Variants in VPS13B observed in about 807,000 individuals in gnomAD.
VPS13B encodes the protein intermembrane lipid transfer protein VPS13B.
Under a neutral mutation model 426.4 loss-of-function variants are expected in VPS13B, and 285 were observed. The ratio of observed to expected loss-of-function variants is 0.67; its 90% CI spans 0.61 to 0.74. The LOEUF (loss-of-function observed/expected upper bound fraction) is 0.74. Ranked by LOEUF, VPS13B falls within the 30% of genes least tolerant of loss-of-function variation. The pLI is 0.00. For missense variants in VPS13B, 4,537 were observed against 4,782.6 expected (o/e 0.95, Z 1.51); for synonymous variants, 1,676 against 1,676.4 (o/e 1.00, Z 0.01).
At chr8:99,014,279 G>A (rs1032619453) in intron 2 of VPS13B, among the ~76,000 whole-genome samples, 2 of 151,372 alleles carry the variant, frequency 1.3e-5, no homozygotes, top group Non-Finnish European at 3.0e-5. Flanking sequence ...CACCACGCCT[G>A]GCTAATTTTT....
chr8:99,115,930 A>G, intron 7 of VPS13B, 56 bp downstream of exon 7: 1 of 1,563,644 alleles, frequency 6.4e-7, no homozygotes, highest in South Asian at 1.2e-5. Context: ...CTTACGTTTT[A>G]CCATTGGGAA....
intron 22 of VPS13B, among the ~76,000 whole-genome samples, chr8:99,432,414 G>T (rs943134683): frequency 6.6e-6 from 1 of 152,010 alleles, no homozygotes; most frequent in Non-Finnish European, 1.5e-5. Flanking sequence ...TTTGTGATCT[G>T]CAAAATTACA....
chr8:99,782,915 AT>A (rs1812087050), intron 42 of VPS13B, among the ~76,000 whole-genome samples: 1 of 152,148 alleles, frequency 6.6e-6, no homozygotes, highest in African/African-American at 2.4e-5. Context: ...TCTTTTGGCG[AT>A]TAGTGTGACT....
intron 35 of VPS13B, among the ~76,000 whole-genome samples, chr8:99,679,343 T>G (rs532295754): frequency 2.0e-5 from 3 of 152,216 alleles, no homozygotes; most frequent in Non-Finnish European, 2.9e-5. Context: ...AATATAGTTA[T>G]CCCTTATGGT....
intron 19 of VPS13B, among the ~76,000 whole-genome samples, chr8:99,301,446 A>C (rs1480035450): frequency 6.6e-6 from 1 of 151,890 alleles, no homozygotes; most frequent in East Asian, 1.9e-4. Flanking sequence ...GGCATGCACC[A>C]CCACTCCCAG....
At chr8:99,227,232 A>G (rs537198922) in intron 17 of VPS13B, among the ~76,000 whole-genome samples, 3 of 152,192 alleles carry the variant, frequency 2.0e-5, no homozygotes, top group South Asian at 4.1e-4. Flanking sequence ...TAATCTCTGT[A>G]CAAGGCACTG....
At chr8:99,746,855 C>T (rs1810113792) in intron 39 of VPS13B, among the ~76,000 whole-genome samples, 1 of 152,090 alleles carries the variant, frequency 6.6e-6, no homozygotes, top group Non-Finnish European at 1.5e-5. Context: ...TAGTACTTCC[C>T]TTGCCCCAAT....
chr8:99,231,729 A>G (rs1193151395), intron 17 of VPS13B, among the ~76,000 whole-genome samples: 2 of 152,214 alleles, frequency 1.3e-5, no homozygotes, highest in Non-Finnish European at 2.9e-5. Context: ...TGCTGAGGCA[A>G]AAAACACCTG....
chr8:99,604,387 T>C (rs1329799667), intron 33 of VPS13B, among the ~76,000 whole-genome samples: 1 of 152,130 alleles, frequency 6.6e-6, no homozygotes, highest in Non-Finnish European at 1.5e-5. Context: ...AAAGACACTT[T>C]ACTAACATCC....
chr8:99,531,319 A>C (rs143136053), intron 30 of VPS13B, among the ~76,000 whole-genome samples: 3 of 152,274 alleles, frequency 2.0e-5, no homozygotes, highest in Non-Finnish European at 4.4e-5. Flanking sequence ...GGTTTTTCTC[A>C]CATCTCTTAT....
chr8:99,837,262 C>T (rs1478412151), intron 54 of VPS13B, among the ~76,000 whole-genome samples: 1 of 152,116 alleles, frequency 6.6e-6, no homozygotes, highest in Non-Finnish European at 1.5e-5. Context: ...CCCTGGAGAC[C>T]TGCGTTTGTA....
intron 19 of VPS13B, among the ~76,000 whole-genome samples, chr8:99,311,342 T>A (rs189343847): frequency 6.6e-6 from 1 of 152,348 alleles, no homozygotes; most frequent in Admixed American, 6.5e-5. Flanking sequence ...CTGCTTCAGA[T>A]GTGTCCCAGA....
At chr8:99,644,897 C>T (rs895345027) in intron 34 of VPS13B, among the ~76,000 whole-genome samples, 8 of 152,146 alleles carry the variant, frequency 5.3e-5, no homozygotes, top group African/African-American at 7.2e-5. Flanking sequence ...ACTGCTTTAA[C>T]GCATTATCTC....
At position 99,870,914 on chromosome 8, in the gene VPS13B, C is replaced by T. The variant is rs1189313766; in HGVS notation, c.11495+27C>T. 4 of 1,602,172 alleles carry T rather than the reference C, an allele frequency of 2.5e-6. No homozygotes were observed. In the Middle Eastern group the frequency reaches 6.6e-4, roughly 265 times the overall value. ...TAAAATTATTGAGATACGTGCTCAA[C>T]TTTACATCCATATTGTATGTTAATA... On this transcript the variant is annotated intron_variant, in intron 60 of 61. Coordinates refer to ENST00000357162, the MANE Select transcript of VPS13B (RefSeq NM_152564.5).
chr8:99,473,440 G>A (rs902491405), intron 24 of VPS13B, among the ~76,000 whole-genome samples: 1 of 152,010 alleles, frequency 6.6e-6, no homozygotes, highest in African/African-American at 2.4e-5. Flanking sequence ...ATAAATTCAA[G>A]TGAGACATTT....
chr8:99,431,890 G>A (rs1817132728), intron 22 of VPS13B, among the ~76,000 whole-genome samples: 2 of 151,836 alleles, frequency 1.3e-5, no homozygotes, highest in Non-Finnish European at 2.9e-5. Flanking sequence ...ATTTTGACAT[G>A]TTTCTTGACT....
intron 44 of VPS13B, among the ~76,000 whole-genome samples, chr8:99,816,903 A>G (rs980721966): frequency 6.6e-6 from 1 of 152,206 alleles, no homozygotes; most frequent in Admixed American, 6.5e-5. Context: ...CTTACTAGAT[A>G]AGAGTGAAAT....
rs553962391 is a variant in VPS13B, at chr8:99,057,187, AT to A, written c.291+18632del. Among the ~76,000 whole-genome samples the A allele has an allele frequency of 6.3e-3, 917 of 145,136 alleles. 3 individuals carry two copies. The highest frequency in any genetic ancestry group is 7.6e-3 in the Non-Finnish European group (496 of 65,656). ...GACAATAATATCACCCACAAAAAGT[AT>A]TTTTTTTTTTGTTTCCAGTCTGTAT... is the stretch of plus-strand genomic sequence containing the variant. On this transcript the variant is annotated intron_variant, in intron 3 of 61. Transcript: ENST00000357162.
rs772269369 is a variant in VPS13B, at chr8:99,360,120, ATCTTTCTTTCTTTCTTTCTTTCTT to A, written c.2825-24040_2825-24017del. ...CCCAACCTGTTTTTTTTTTTTCCTT[ATCTTTCTTTCTTTCTTTCTTTCTT>A]TCTTTCTTTCTTTCTTTCTTTCTTT... On this transcript the variant is annotated intron_variant, in intron 19 of 61. Transcript: ENST00000357162. Among the ~76,000 whole-genome samples, 100 of 62,376 alleles carry A rather than the reference ATCTTTCTTTCTTTCTTTCTTTCTT, an allele frequency of 1.6e-3. 3 individuals carry two copies. Among genetic ancestry groups the A allele is most frequent in the Admixed American group, 7.0e-3 (42 of 5,984 alleles). 40.9% of individuals were successfully genotyped at this position (62,376 alleles called of 152,430 possible).
Sources: allele counts gnomAD v4.1 joint callset (sites outside exome capture counted in the v4.1 genomes callset), GRCh38; gene constraint gnomAD v4.1.1; transcripts MANE v1.5; gene names NCBI Gene and HGNC (gene_info 2026-07-23, HGNC 2026-07-21).